TBL1XR1: variants seen among roughly 807,000 people sequenced by gnomAD.
TBL1XR1 encodes the protein TBL1X/Y related 1.
In TBL1XR1, 5 loss-of-function variants were observed where a neutral mutation model predicts 66.9. That is an observed-to-expected ratio of 0.07 (90% CI 0.04 to 0.16). TBL1XR1 has a LOEUF of 0.16. TBL1XR1 is among the 10% of genes least tolerant of loss of function. The pLI, the probability that TBL1XR1 is intolerant of heterozygous loss-of-function variation, is 1.00. For synonymous variants in TBL1XR1, 210 were observed against 206.0 expected, an observed-to-expected ratio of 1.02 and a Z score of -0.17; for missense variants, 238 against 623.2, an observed-to-expected ratio of 0.38 and a Z score of 6.58.
In TBL1XR1 at chr3:177,034,212, G is replaced by A; in HGVS notation, c.1236C>T (p.Asn412=). ...TGPGTNNPNA[N]LMLASASFDS... ...AGAAGTATCACCTTGCTAACATAAG[G>A]TTGGCATTTGGATTATTAGTCCCTG... Residue 412 remains asparagine, a synonymous_variant, in exon 13 of 16, where the codon AAC becomes AAT. Coordinates refer to ENST00000457928, the MANE Select transcript of TBL1XR1 (RefSeq NM_024665.7). The A allele has an allele frequency of 6.2e-7, 1 of 1,601,298 alleles. No individual in the cohort carries two copies. The highest frequency in any genetic ancestry group is 8.5e-7 in the Non-Finnish European group (1 of 1,176,854).
At chr3:177,128,654 G>A (rs980332771) in intron 1 of TBL1XR1, among the ~76,000 whole-genome samples, 47 of 152,258 alleles carry the variant, frequency 3.1e-4, no homozygotes, top group African/African-American at 1.1e-3. Context: ...GATTACAGGC[G>A]TGAGCCACCG....
chr3:177,062,794 C>T (rs1260649551), intron 3 of TBL1XR1, among the ~76,000 whole-genome samples: 1 of 151,788 alleles, frequency 6.6e-6, no homozygotes, highest in African/African-American at 2.4e-5. Flanking sequence ...ACATAAAACA[C>T]CTTAAAACAT....
At position 177,085,955 on chromosome 3, in the gene TBL1XR1, C is replaced by G. The variant is rs189561219; in HGVS notation, c.-46+12511G>C. Among the ~76,000 whole-genome samples, 25 of 152,164 alleles carry G rather than the reference C, an allele frequency of 1.6e-4. No homozygotes were observed. The Middle Eastern group carries it at 0.014, about 83-fold the overall frequency. On this transcript the variant is annotated intron_variant, in intron 2 of 15. Coordinates refer to ENST00000457928, the MANE Select transcript of TBL1XR1 (RefSeq NM_024665.7). Reference sequence around the variant, plus strand: ...TCAATTCTTGGTTCTGTAACTATGACAAAGTATATGATATGGAATCACTTC... The same window carrying G: ...TCAATTCTTGGTTCTGTAACTATGAGAAAGTATATGATATGGAATCACTTC...
At position 177,021,080 on chromosome 3, in the gene TBL1XR1, C is replaced by A. The variant is rs1485332587; in HGVS notation, c.*4418G>T. Reference sequence around the variant, plus strand: ...ACTTTTACAACAGTTTTAAAGTTAACTGGATAACTAAAGAAATGATGCAGA... The same window carrying A: ...ACTTTTACAACAGTTTTAAAGTTAAATGGATAACTAAAGAAATGATGCAGA... On this transcript the variant is annotated 3_prime_UTR_variant, in exon 16 of 16. Coordinates refer to ENST00000457928, the MANE Select transcript of TBL1XR1 (RefSeq NM_024665.7). The A allele has an allele frequency of 2.0e-5, 3 of 152,082 alleles. No individual in the cohort carries two copies. The highest frequency in any genetic ancestry group is 7.2e-5 in the African/African-American group (3 of 41,430). The allele number at this position is 152,082 out of a possible 1,614,324, so 9.4% of individuals were successfully genotyped here.
At chr3:177,186,462 G>GTAGATGA (rs1173047647) in intron 1 of TBL1XR1, among the ~76,000 whole-genome samples, 1 of 152,100 alleles carries the variant, frequency 6.6e-6, no homozygotes, top group Non-Finnish European at 1.5e-5. Flanking sequence ...GAAACCCAAA[G>GTAGATGA]TAGATGAGTC....
chr3:177,174,452 T>C (rs1733931719), intron 1 of TBL1XR1, among the ~76,000 whole-genome samples: 1 of 145,676 alleles, frequency 6.9e-6, no homozygotes, highest in Non-Finnish European at 1.5e-5. Flanking sequence ...TGACAAAGGA[T>C]TCCTCATTCT....
intron 2 of TBL1XR1, among the ~76,000 whole-genome samples, chr3:177,091,621 G>C (rs1722853887): frequency 6.6e-6 from 1 of 152,008 alleles, no homozygotes; most frequent in Non-Finnish European, 1.5e-5. Flanking sequence ...TTTGGCCAAG[G>C]GAATGACATC....
chr3:177,149,842 G>A (rs999261960), intron 1 of TBL1XR1, among the ~76,000 whole-genome samples: 2 of 152,132 alleles, frequency 1.3e-5, no homozygotes, highest in African/African-American at 4.8e-5. Flanking sequence ...CTTCCTAACA[G>A]CAGACTTCAG....
chr3:177,063,718 A>C (rs943366020), intron 3 of TBL1XR1, among the ~76,000 whole-genome samples: 3 of 152,214 alleles, frequency 2.0e-5, no homozygotes, highest in Non-Finnish European at 4.4e-5. Flanking sequence ...AGTTTAAACA[A>C]AGAAAACAAA....
At chr3:177,043,520 A>G (rs1321302887) in intron 10 of TBL1XR1, among the ~76,000 whole-genome samples, 1 of 152,138 alleles carries the variant, frequency 6.6e-6, no homozygotes, top group African/African-American at 2.4e-5. Flanking sequence ...AAATGTATAA[A>G]TGTACACTTG....
chr3:177,067,803 G>A (rs1190636127), intron 2 of TBL1XR1, among the ~76,000 whole-genome samples: 2 of 152,142 alleles, frequency 1.3e-5, no homozygotes, highest in Admixed American at 6.6e-5. Context: ...ACTACTTCAT[G>A]AGTGGACTTA....
intron 2 of TBL1XR1, among the ~76,000 whole-genome samples, chr3:177,090,945 G>A (rs1392862429): frequency 1.3e-5 from 2 of 152,068 alleles, no homozygotes; most frequent in Non-Finnish European, 2.9e-5. Context: ...ATCATGATCA[G>A]GCCACTGCAA....
chr3:177,047,776 A>T, intron 7 of TBL1XR1: 2 of 509,340 alleles, frequency 3.9e-6, no homozygotes, highest in Non-Finnish European at 7.0e-6. Context: ...TCAACAACTG[A>T]CAGTGATTGC....
chr3:177,192,323 C>T (rs1736251234), intron 1 of TBL1XR1, among the ~76,000 whole-genome samples: 1 of 148,756 alleles, frequency 6.7e-6, no homozygotes, highest in Non-Finnish European at 1.5e-5. Context: ...CGCGAGGTTG[C>T]AGTAAGAGGA....
intron 1 of TBL1XR1, among the ~76,000 whole-genome samples, chr3:177,098,747 G>C (rs1160074669): frequency 2.0e-5 from 3 of 152,084 alleles, no homozygotes; most frequent in African/African-American, 7.2e-5. Context: ...GTTCATAAGA[G>C]GTTGGCACAG....
intron 1 of TBL1XR1, among the ~76,000 whole-genome samples, chr3:177,133,391 A>G (rs1728533434): frequency 6.6e-6 from 1 of 152,220 alleles, no homozygotes; most frequent in South Asian, 2.1e-4. Flanking sequence ...TAGTTTCAAG[A>G]TATACATCCT....
Position 177,049,978 on chromosome 3 carries a change from T to C in TBL1XR1, c.702+19A>G. ...GGTATACTAGTAATTATATCCATCA[T>C]GGATATAGTGATACTCACATTCCAA... On this transcript the variant is annotated intron_variant, in intron 7 of 15. Coordinates refer to ENST00000457928, the MANE Select transcript of TBL1XR1 (RefSeq NM_024665.7). 1.2e-6 allele frequency: 2 copies of C among 1,612,118 alleles called. No homozygotes were observed. Among genetic ancestry groups the C allele is most frequent in the Non-Finnish European group, 1.7e-6 (2 of 1,179,186 alleles).
intron 1 of TBL1XR1, among the ~76,000 whole-genome samples, chr3:177,155,152 T>G (rs564816890): frequency 6.6e-6 from 1 of 152,186 alleles, no homozygotes; most frequent in Non-Finnish European, 1.5e-5. Flanking sequence ...CAAAACGAAT[T>G]TGAGATCACT....
chr3:177,170,630 A>G (rs905095297), intron 1 of TBL1XR1, among the ~76,000 whole-genome samples: 3 of 152,102 alleles, frequency 2.0e-5, no homozygotes, highest in Non-Finnish European at 4.4e-5. Context: ...CCTTGAGATC[A>G]ATGGTTTTTG....
Sources: allele counts gnomAD v4.1 joint callset (sites outside exome capture counted in the v4.1 genomes callset), GRCh38; gene constraint gnomAD v4.1.1; transcripts MANE v1.5; gene names NCBI Gene and HGNC (gene_info 2026-07-23, HGNC 2026-07-21).